Variants in SLC25A40 observed in about 807,000 individuals in gnomAD.
The protein encoded by SLC25A40 is solute carrier family 25 member 40, also known as mitochondrial glutathione transporter SLC25A40.
Under a neutral mutation model 46.5 loss-of-function variants are expected in SLC25A40, and 41 were observed. The ratio of observed to expected loss-of-function variants is 0.88; its 90% CI spans 0.69 to 1.14. SLC25A40 has a LOEUF of 1.14. Ranked by LOEUF, SLC25A40 falls within the 50% of genes most tolerant of loss-of-function variation. The probability of loss-of-function intolerance (pLI) is 0.00; values close to 1 mark genes in which losing one functional copy is unlikely to be tolerated. For synonymous variants in SLC25A40, 126 were observed against 127.5 expected (o/e 0.99, Z 0.08); for missense variants, 386 against 393.6 (o/e 0.98, Z 0.16).
chr7:87,864,992 T>G (rs1216742792), intron 1 of SLC25A40, among the ~76,000 whole-genome samples: 1 of 150,670 alleles, frequency 6.6e-6, no homozygotes, highest in Admixed American at 6.6e-5. Context: ...TTTTTTTTTT[T>G]TTGAGACAAG....
chr7:87,847,051 C>A lies in SLC25A40; in HGVS notation c.529G>T (p.Val177Leu). The A allele has an allele frequency of 6.2e-7, 1 of 1,613,632 alleles. No homozygotes were observed. The highest frequency in any genetic ancestry group is 1.1e-5 in the South Asian group (1 of 91,048). Reference protein sequence around the residue: ...TKMQSKKFSYVELHRFVSKKV... With the variant: ...TKMQSKKFSYLELHRFVSKKV... ...TTGCTGACAAATCGATGCAGTTCCA[C>A]GTAAGAAAACTTCTTGGACTGCATC... The change falls in exon 8 of 12, where the codon GTG (valine) becomes TTG (leucine). Residue 177 changes from valine (V) to leucine (L), a missense_variant. Physicochemically the swap from Val to Leu is conservative, Grantham distance 32. Transcript: ENST00000341119.
intron 2 of SLC25A40, among the ~76,000 whole-genome samples, chr7:87,859,526 T>C (rs1197703265): frequency 6.6e-6 from 1 of 152,160 alleles, no homozygotes. Flanking sequence ...CATATGTATA[T>C]GTCTATACAC....
chr7:87,866,979 T>C (rs1374745951), intron 1 of SLC25A40, among the ~76,000 whole-genome samples: 1 of 152,102 alleles, frequency 6.6e-6, no homozygotes, highest in Non-Finnish European at 1.5e-5. Flanking sequence ...GTCCCCTGGA[T>C]GCGCCTTTTA....
At chr7:87,871,997 T>C (rs1473954728) in intron 1 of SLC25A40, among the ~76,000 whole-genome samples, 1 of 152,252 alleles carries the variant, frequency 6.6e-6, no homozygotes, top group Admixed American at 6.5e-5. Context: ...TTAACATCCA[T>C]TGGTTCTGTA....
At chr7:87,848,244 A>G (rs1838451879) in intron 6 of SLC25A40, among the ~76,000 whole-genome samples, 1 of 152,212 alleles carries the variant, frequency 6.6e-6, no homozygotes, top group Non-Finnish European at 1.5e-5. Flanking sequence ...AATAAATAGC[A>G]TTAAGTAAGC....
At position 87,833,977 on chromosome 7, in the gene SLC25A40, C is replaced by T. The variant is rs891999722; in HGVS notation, c.*2272G>A. 8 of 151,738 alleles carry T rather than the reference C, an allele frequency of 5.3e-5. No homozygotes were observed. Among genetic ancestry groups the T allele is most frequent in the African/African-American group, 1.9e-4 (8 of 41,324 alleles). The allele number at this position is 151,738 out of a possible 1,614,324, so 9.4% of individuals were successfully genotyped here. Reference sequence around the variant, plus strand: ...CAAATATGTACTACTTTAAAGGTTGCAACCATCTCATATTGAAAATTAAAG... The same window carrying T: ...CAAATATGTACTACTTTAAAGGTTGTAACCATCTCATATTGAAAATTAAAG... On this transcript the variant is annotated 3_prime_UTR_variant, in exon 12 of 12. Transcript: ENST00000341119.
rs537353707 is a variant in SLC25A40, at chr7:87,854,895, G to C, written c.158-585C>G. 2.5e-3 allele frequency among the ~76,000 whole-genome samples: 378 copies of C among 150,266 alleles called. 2 individuals carry two copies. The highest frequency in any genetic ancestry group is 8.8e-3 in the African/African-American group (361 of 40,910). ...AATAAGAAAATGGCTGGGCATGGTG[G>C]CTCATGCCTGTAATCCCAGCACTTT... On this transcript the variant is annotated intron_variant, in intron 4 of 11. Transcript: ENST00000341119.
In SLC25A40 at chr7:87,850,002, CA is replaced by C. The variant is rs1838484808; in HGVS notation, c.265-55del. On this transcript the variant is annotated intron_variant, in intron 5 of 11. Transcript: ENST00000341119. ...AAAATATATCTTTAAACCTTTTATA[CA>C]AAAATTTATACTGATGATTGGTAAT... The C allele has an allele frequency of 5.2e-6, 6 of 1,149,946 alleles. No individual in the cohort carries two copies. The Admixed American group carries it at 1.2e-4, about 24-fold the overall frequency. 71.2% of individuals were successfully genotyped at this position (1,149,946 alleles called of 1,614,324 possible).
intron 1 of SLC25A40, among the ~76,000 whole-genome samples, chr7:87,870,824 A>G (rs201782191): frequency 6.6e-6 from 1 of 151,758 alleles, no homozygotes; most frequent in Non-Finnish European, 1.5e-5. Flanking sequence ...CAGCAATAAA[A>G]CTCCCTGCAT....
Position 87,833,979 on chromosome 7 carries a change from A to T in SLC25A40, c.*2270T>A, listed in dbSNP as rs570353821. Reference sequence around the variant, plus strand: ...AATATGTACTACTTTAAAGGTTGCAACCATCTCATATTGAAAATTAAAGAT... The same window carrying T: ...AATATGTACTACTTTAAAGGTTGCATCCATCTCATATTGAAAATTAAAGAT... On this transcript the variant is annotated 3_prime_UTR_variant, in exon 12 of 12. Transcript: ENST00000341119. 75 of 152,056 alleles carry T rather than the reference A, an allele frequency of 4.9e-4. 1 individual carries two copies. Among genetic ancestry groups the T allele is most frequent in the South Asian group, 2.3e-3 (11 of 4,826 alleles). 9.4% of individuals were successfully genotyped at this position (152,056 alleles called of 1,614,324 possible).
At chr7:87,872,624 C>G (rs977073064) in intron 1 of SLC25A40, among the ~76,000 whole-genome samples, 3 of 152,158 alleles carry the variant, frequency 2.0e-5, no homozygotes, top group African/African-American at 7.2e-5. Context: ...TTCTATTCAA[C>G]AAAGTACTGA....
chr7:87,854,408 T>C, intron 4 of SLC25A40, 98 bp from the exon 5 acceptor site: 1 of 698,702 alleles, frequency 1.4e-6, no homozygotes, highest in Non-Finnish European at 2.4e-6. Context: ...AACTAGAAAA[T>C]TACGAAAAGA....
At chr7:87,876,010 G>A (rs567297379) in intron 1 of SLC25A40, 86 bp downstream of exon 1, 1 of 152,292 alleles carries the variant, frequency 6.6e-6, no homozygotes, top group African/African-American at 2.4e-5. Flanking sequence ...CCCCGGCCCC[G>A]GGCCCGGCCA....
intron 1 of SLC25A40, among the ~76,000 whole-genome samples, chr7:87,873,635 G>A (rs2131027635): frequency 6.6e-6 from 1 of 152,022 alleles, no homozygotes; most frequent in East Asian, 1.9e-4. Flanking sequence ...GTTTCACCAT[G>A]TTGGCCAGGC....
intron 1 of SLC25A40, among the ~76,000 whole-genome samples, chr7:87,865,546 G>A (rs188114833): frequency 3.0e-4 from 45 of 152,286 alleles, no homozygotes; most frequent in African/African-American, 2.2e-4. Flanking sequence ...CAAGGCAGGC[G>A]GATCACTTAA....
At chr7:87,837,831 T>TACTG (rs1838278273) in intron 10 of SLC25A40, among the ~76,000 whole-genome samples, 1 of 151,340 alleles carries the variant, frequency 6.6e-6, no homozygotes, top group Non-Finnish European at 1.5e-5. Context: ...AACAATCCTA[T>TACTG]ACTGCCCTCT....
intron 8 of SLC25A40, 136 bp from the exon 9 acceptor site, chr7:87,843,999 A>ACT: frequency 1.5e-6 from 2 of 1,322,964 alleles, no homozygotes; most frequent in Non-Finnish European, 1.9e-6. Context: ...TTAGACACCC[A>ACT]CTAGGGTGGG....
At chr7:87,839,428 T>C (rs1174362504) in intron 10 of SLC25A40, among the ~76,000 whole-genome samples, 2 of 111,008 alleles carry the variant, frequency 1.8e-5, no homozygotes, top group African/African-American at 1.1e-4. Flanking sequence ...TGAGTAGTGT[T>C]TTTTTTTTTC....
chr7:87,872,684 G>A (rs1263392789), intron 1 of SLC25A40, among the ~76,000 whole-genome samples: 1 of 152,166 alleles, frequency 6.6e-6, no homozygotes, highest in East Asian at 1.9e-4. Flanking sequence ...AATGCAGGCT[G>A]GGCACAGTGG....
Sources: gnomAD v4.1 joint callset for allele counts (sites outside exome capture counted in the v4.1 genomes callset) on GRCh38, gnomAD v4.1.1 for gene constraint, MANE v1.5 for transcripts, NCBI Gene and HGNC (gene_info 2026-07-23, HGNC 2026-07-21) for gene names.